The following TMEM132C variants were observed in gnomAD, a reference collection of about 807,000 sequenced individuals.
The protein encoded by TMEM132C is transmembrane protein 132C.
In TMEM132C, 29 loss-of-function variants were observed where a neutral mutation model predicts 61.4. The ratio of observed to expected loss-of-function variants is 0.47; its 90% CI spans 0.35 to 0.64. The LOEUF is 0.64. Ranked by LOEUF, TMEM132C falls within the 30% of genes least tolerant of loss-of-function variation. The probability of loss-of-function intolerance (pLI) is 0.00; values close to 1 mark genes in which losing one functional copy is unlikely to be tolerated. For synonymous variants in TMEM132C, 656 were observed against 633.1 expected (o/e 1.04, Z -0.54); for missense variants, 1,408 against 1,476.9 (o/e 0.95, Z 0.76).
At chr12:128,605,119 A>G (rs565513633) in intron 3 of TMEM132C, among the ~76,000 whole-genome samples, 3 of 148,214 alleles carry the variant, frequency 2.0e-5, no homozygotes, top group South Asian at 2.1e-4. Context: ...TAAATGATAG[A>G]TAGATAGATA....
chr12:128,686,944 C>G (rs1478028802), intron 5 of TMEM132C, among the ~76,000 whole-genome samples: 1 of 151,996 alleles, frequency 6.6e-6, no homozygotes, highest in African/African-American at 2.4e-5. Flanking sequence ...CACCTGTAAT[C>G]CCAGCAATTT....
intron 2 of TMEM132C, among the ~76,000 whole-genome samples, chr12:128,469,761 C>T (rs1252446418): frequency 6.6e-6 from 1 of 150,800 alleles, no homozygotes; most frequent in African/African-American, 2.4e-5. Flanking sequence ...TATATATACA[C>T]ACATGCATTT....
At chr12:128,448,462 G>A (rs1246011425) in intron 2 of TMEM132C, among the ~76,000 whole-genome samples, 2 of 152,190 alleles carry the variant, frequency 1.3e-5, no homozygotes, top group Non-Finnish European at 2.9e-5. Flanking sequence ...GATGATGGGG[G>A]CCTCAGGGCC....
chr12:128,702,588 C>T (rs1414356136), intron 8 of TMEM132C, among the ~76,000 whole-genome samples: 1 of 152,176 alleles, frequency 6.6e-6, no homozygotes, highest in African/African-American at 2.4e-5. Context: ...TCATGAGCAC[C>T]TCTTGAGCCC....
chr12:128,294,581 AC>A (rs543658312), intron 1 of TMEM132C, among the ~76,000 whole-genome samples: 85 of 152,306 alleles, frequency 5.6e-4, no homozygotes, highest in Non-Finnish European at 9.3e-4. Context: ...AAGCATCTAA[AC>A]AACAGGAATT....
chr12:128,273,984 A>T (rs1870601385), intron 1 of TMEM132C, among the ~76,000 whole-genome samples: 1 of 152,192 alleles, frequency 6.6e-6, no homozygotes, highest in Non-Finnish European at 1.5e-5. Context: ...TGATGTTCTT[A>T]AAACCAGTTT....
At chr12:128,400,898 C>T (rs563730026) in intron 1 of TMEM132C, among the ~76,000 whole-genome samples, 8 of 151,746 alleles carry the variant, frequency 5.3e-5, no homozygotes, top group East Asian at 2.0e-4. Context: ...CTTAAGCCAC[C>T]GCACCTGCCT....
chr12:128,408,689 G>T (rs1322413182), intron 1 of TMEM132C, among the ~76,000 whole-genome samples: 1 of 152,188 alleles, frequency 6.6e-6, no homozygotes. Flanking sequence ...GAAATTAGGG[G>T]GTTAAAATGG....
chr12:128,385,072 C>T lies in TMEM132C; in HGVS notation c.86-29660C>T, dbSNP rs138980688. ...ACCCCTTTGCAGATTCGGATGGCAA[C>T]AGCGTGATGAGAAGAGCTCGGCTTT... On this transcript the variant is annotated intron_variant, in intron 1 of 8. Coordinates refer to ENST00000435159, the MANE Select transcript of TMEM132C (RefSeq NM_001136103.3). Among the ~76,000 whole-genome samples the T allele has an allele frequency of 3.3e-3, 509 of 152,322 alleles. 3 individuals are homozygous for T. The highest frequency in any genetic ancestry group is 0.01 in the African/African-American group (434 of 41,572).
rs77602768 is a variant in TMEM132C at position 128,363,083 on chromosome 12, A to G, written c.86-51649A>G. On this transcript the variant is annotated intron_variant, in intron 1 of 8. Transcript: ENST00000435159. ...TCTTTACGATTGAGCTACAAAAGTC[A>G]ACTATAAATAGATTGATTTACTGAC... Among the ~76,000 whole-genome samples the G allele has an allele frequency of 1.2e-3, 179 of 152,368 alleles. 1 individual carries two copies. The East Asian group carries it at 0.019, about 16-fold the overall frequency.
At chr12:128,268,714 A>T (rs935176116) in intron 1 of TMEM132C, among the ~76,000 whole-genome samples, 1 of 152,052 alleles carries the variant, frequency 6.6e-6, no homozygotes, top group Non-Finnish European at 1.5e-5. Flanking sequence ...TGGAGGTTTA[A>T]AAGTAGCGTT....
rs536215768 is a variant in TMEM132C at position 128,590,552 on chromosome 12, C to G, written c.1122-25600C>G. 2.8e-4 allele frequency among the ~76,000 whole-genome samples: 42 copies of G among 152,280 alleles called. No individual in the cohort carries two copies. In the Middle Eastern group the frequency reaches 0.01, roughly 37 times the overall value. ...CCAACGAGGGACTCCGGGTCTCCCCCACTGCCACCCGATTCCTCTGGCCAG... is the reference window on the plus strand; with the variant it reads ...CCAACGAGGGACTCCGGGTCTCCCCGACTGCCACCCGATTCCTCTGGCCAG... On this transcript the variant is annotated intron_variant, in intron 3 of 8. Transcript: ENST00000435159.
At chr12:128,405,435 A>G (rs1282504156) in intron 1 of TMEM132C, among the ~76,000 whole-genome samples, 1 of 152,150 alleles carries the variant, frequency 6.6e-6, no homozygotes, top group Non-Finnish European at 1.5e-5. Context: ...GTTCCTGGAC[A>G]TGGCGCAAAA....
At chr12:128,418,117 T>A (rs1270626662) in intron 2 of TMEM132C, among the ~76,000 whole-genome samples, 1 of 152,206 alleles carries the variant, frequency 6.6e-6, no homozygotes, top group Non-Finnish European at 1.5e-5. Context: ...TATATTTCCT[T>A]ACTTCAGATT....
chr12:128,494,401 A>G (rs376242625), intron 2 of TMEM132C, among the ~76,000 whole-genome samples: 12 of 152,218 alleles, frequency 7.9e-5, no homozygotes, highest in South Asian at 2.1e-4. Context: ...TCTATTGATT[A>G]GAATAGTTTC....
intron 4 of TMEM132C, among the ~76,000 whole-genome samples, chr12:128,641,785 G>T (rs1194428357): frequency 2.0e-5 from 3 of 152,056 alleles, no homozygotes; most frequent in Admixed American, 2.0e-4. Context: ...TTATTTTCCC[G>T]TTTTTATTTT....
chr12:128,425,489 G>A (rs1242852262), intron 2 of TMEM132C, among the ~76,000 whole-genome samples: 1 of 152,218 alleles, frequency 6.6e-6, no homozygotes, highest in Admixed American at 6.5e-5. Context: ...GCAGTTTGGG[G>A]GACTTGACTG....
At chr12:128,325,678 C>T (rs80295983) in intron 1 of TMEM132C, among the ~76,000 whole-genome samples, 397 of 152,254 alleles carry the variant, frequency 2.6e-3, no homozygotes, top group African/African-American at 8.5e-3. Context: ...GCTTTTACAT[C>T]GCTTGGCCAT....
Position 128,663,934 on chromosome 12 carries a change from G to A in TMEM132C, c.1306-5483G>A, listed in dbSNP as rs1441330875. ...CAGGCACACACACCTGCACGCACGC[G>A]GACACTCACACAGGCACACACACAT... On this transcript the variant is annotated intron_variant, in intron 4 of 8. Coordinates refer to ENST00000435159, the MANE Select transcript of TMEM132C (RefSeq NM_001136103.3). Among the ~76,000 whole-genome samples the A allele has an allele frequency of 3.4e-4, 33 of 95,756 alleles. 1 individual carries two copies. The highest frequency in any genetic ancestry group is 1.1e-3 in the African/African-American group (25 of 23,154). 62.8% of individuals were successfully genotyped at this position (95,756 alleles called of 152,430 possible). A position where few individuals can be genotyped will look rare whatever the true frequency, so the allele number is the denominator to read the frequency against.
Sources: gnomAD v4.1 joint callset for allele counts (sites outside exome capture counted in the v4.1 genomes callset) on GRCh38, gnomAD v4.1.1 for gene constraint, MANE v1.5 for transcripts, NCBI Gene and HGNC (gene_info 2026-07-23, HGNC 2026-07-21) for gene names.